Variants in MAP3K7 observed in about 807,000 individuals in gnomAD.
The protein encoded by MAP3K7 is TGF-beta activated kinase 1.
Under a neutral mutation model 84.8 loss-of-function variants are expected in MAP3K7, and 21 were observed. That is an observed-to-expected ratio of 0.25 (90% confidence interval 0.18 to 0.36). The LOEUF (loss-of-function observed/expected upper bound fraction) is 0.36. Among genes scored for constraint, MAP3K7 ranks in the 10% least tolerant of loss-of-function variants. MAP3K7 has a pLI of 1.00. For missense variants in MAP3K7, 503 were observed against 747.7 expected (o/e 0.67, Z 3.82); for synonymous variants, 241 against 247.7 (o/e 0.97, Z 0.25).
intron 1 of MAP3K7, among the ~76,000 whole-genome samples, chr6:90,577,213 G>T (rs1777113247): frequency 6.6e-6 from 1 of 152,202 alleles, no homozygotes. Flanking sequence ...GGCAGGACAG[G>T]TGTAGAGGAA....
intron 3 of MAP3K7, among the ~76,000 whole-genome samples, chr6:90,567,440 G>A (rs1776747852): frequency 6.6e-6 from 1 of 152,222 alleles, no homozygotes; most frequent in Non-Finnish European, 1.5e-5. Context: ...AGATGTTTAT[G>A]CAGCCAAAAG....
intron 9 of MAP3K7, among the ~76,000 whole-genome samples, chr6:90,548,435 G>A (rs1776073105): frequency 6.6e-6 from 1 of 152,168 alleles, no homozygotes; most frequent in Non-Finnish European, 1.5e-5. Flanking sequence ...GCTAGTAGAA[G>A]AACTGAGGGC....
intron 1 of MAP3K7, among the ~76,000 whole-genome samples, chr6:90,576,993 G>A (rs1777105596): frequency 6.6e-6 from 1 of 152,210 alleles, no homozygotes; most frequent in Non-Finnish European, 1.5e-5. Context: ...AGGATGGTAT[G>A]TGACATTAAA....
intron 1 of MAP3K7, among the ~76,000 whole-genome samples, chr6:90,572,738 T>C (rs917863209): frequency 7.2e-5 from 11 of 152,250 alleles, no homozygotes; most frequent in African/African-American, 2.6e-4. Flanking sequence ...ACATGTATCA[T>C]ACTATTGTTG....
At chr6:90,582,455 T>C (rs897890027) in intron 1 of MAP3K7, among the ~76,000 whole-genome samples, 3 of 152,172 alleles carry the variant, frequency 2.0e-5, no homozygotes, top group African/African-American at 7.2e-5. Flanking sequence ...AGAGACACAA[T>C]TTCAGTTACT....
chr6:90,569,108 C>T (rs1776814638), intron 2 of MAP3K7, among the ~76,000 whole-genome samples: 1 of 152,114 alleles, frequency 6.6e-6, no homozygotes, highest in African/African-American at 2.4e-5. Flanking sequence ...GTATAATTAT[C>T]ACAACTCCGC....
intron 9 of MAP3K7, among the ~76,000 whole-genome samples, 192 bp from the exon 10 acceptor site, chr6:90,548,369 C>G (rs1446447961): frequency 6.6e-6 from 1 of 152,082 alleles, no homozygotes. Context: ...AAAAAGGAAC[C>G]AAGATGCCTA....
intron 1 of MAP3K7, among the ~76,000 whole-genome samples, chr6:90,572,611 C>G (rs1007038221): frequency 6.7e-6 from 1 of 150,086 alleles, no homozygotes; most frequent in Non-Finnish European, 1.5e-5. Context: ...TGGTGGCTGA[C>G]AACCTGGTAA....
At chr6:90,541,661 T>G (rs896583992) in intron 12 of MAP3K7, among the ~76,000 whole-genome samples, 3 of 151,986 alleles carry the variant, frequency 2.0e-5, no homozygotes, top group African/African-American at 7.2e-5. Context: ...AAAGGTTAAT[T>G]TCTGTATGAT....
intron 1 of MAP3K7, among the ~76,000 whole-genome samples, chr6:90,584,377 A>T (rs1777374809): frequency 6.6e-6 from 1 of 152,180 alleles, no homozygotes; most frequent in South Asian, 2.1e-4. Flanking sequence ...TAATGCAAAA[A>T]TGAACTAAGT....
chr6:90,516,557 T>C lies in MAP3K7; in HGVS notation c.1765A>G (p.Lys589Glu). The change falls in exon 17 of 17, where the codon AAA becomes GAA. Residue 589 changes from lysine (K) to glutamate (E), a missense_variant. Lys to Glu is a moderately conservative substitution (Grantham distance 56, BLOSUM62 1). This residue lies in a region of MAP3K7 where 43 missense variants were observed against 47.3 expected (regional missense o/e 0.91). Transcript: ENST00000369329. The part of the protein sequence containing the change: ...KSLSTYYQQC[K>E]KQLEVIRSQQ... The stretch of plus-strand genomic sequence containing the variant: ...CTTCTGATGACCTCTAGTTGTTTTT[T>C]GCATTGCTGGTAGTAAGTAGAAAGG... 1 of 1,612,840 alleles carries C rather than the reference T, an allele frequency of 6.2e-7. No homozygotes were observed. The highest frequency in any genetic ancestry group is 8.5e-7 in the Non-Finnish European group (1 of 1,179,148).
chr6:90,537,623 T>C (rs1214177283), intron 12 of MAP3K7, among the ~76,000 whole-genome samples: 1 of 152,034 alleles, frequency 6.6e-6, no homozygotes, highest in Non-Finnish European at 1.5e-5. Flanking sequence ...TATAATTCTT[T>C]GCATTATCTG....
Position 90,547,325 on chromosome 6 carries a change from TG to T in MAP3K7, c.1142del (p.Pro381GlnfsTer8). 1 of 1,612,706 alleles carries T rather than the reference TG, an allele frequency of 6.2e-7. No homozygotes were observed. The highest frequency in any genetic ancestry group is 8.5e-7 in the Non-Finnish European group (1 of 1,179,416). The stretch of plus-strand genomic sequence containing the variant: ...CACTCATCCTCTTGCCCTCAGAGGT[TG>T]GGGGCAAGCTCTCCACACTGCTCCC... ...SRGSSVESLP[P>X]TSEGKRMSAD... On this transcript the variant is annotated frameshift_variant, in exon 11 of 17. Coordinates refer to ENST00000369329, the MANE Select transcript of MAP3K7 (RefSeq NM_145331.3). LOFTEE classifies it high-confidence loss of function.
At chr6:90,538,385 A>T (rs1168173717) in intron 12 of MAP3K7, among the ~76,000 whole-genome samples, 1 of 151,830 alleles carries the variant, frequency 6.6e-6, no homozygotes, top group Non-Finnish European at 1.5e-5. Flanking sequence ...ACATTCACTC[A>T]TTTTACCTTT....
At chr6:90,539,849 T>C (rs1399285135) in intron 12 of MAP3K7, among the ~76,000 whole-genome samples, 2 of 151,856 alleles carry the variant, frequency 1.3e-5, no homozygotes, top group African/African-American at 4.8e-5. Flanking sequence ...GAAGCCTAAC[T>C]ACTCATCTAT....
intron 13 of MAP3K7, among the ~76,000 whole-genome samples, chr6:90,524,792 A>T (rs1451367867): frequency 2.6e-5 from 4 of 152,192 alleles, no homozygotes; most frequent in Non-Finnish European, 4.4e-5. Context: ...ATTATCAAAC[A>T]AACAAGATGG....
intron 9 of MAP3K7, among the ~76,000 whole-genome samples, chr6:90,548,960 G>T (rs1157667068): frequency 1.3e-5 from 2 of 151,920 alleles, no homozygotes; most frequent in Non-Finnish European, 2.9e-5. Flanking sequence ...CTGAAGTACT[G>T]GCATAATACG....
chr6:90,536,002 C>A (rs934313767), intron 13 of MAP3K7, among the ~76,000 whole-genome samples: 1 of 152,086 alleles, frequency 6.6e-6, no homozygotes. Flanking sequence ...ATTAATGATT[C>A]ACTTTAAAGG....
At chr6:90,584,123 T>C (rs888072232) in intron 1 of MAP3K7, among the ~76,000 whole-genome samples, 1 of 152,196 alleles carries the variant, frequency 6.6e-6, no homozygotes, top group African/African-American at 2.4e-5. Context: ...ATTTTCTTAA[T>C]TTAGAAGGTA....
Sources: allele counts gnomAD v4.1 joint callset (sites outside exome capture counted in the v4.1 genomes callset), GRCh38; gene constraint gnomAD v4.1.1; regional missense constraint gnomAD v4.1.1; transcripts MANE v1.5; gene names NCBI Gene and HGNC (gene_info 2026-07-23, HGNC 2026-07-21).